CABP5: variants seen among roughly 807,000 people sequenced by gnomAD.
The protein encoded by CABP5 is calcium binding protein 5.
In CABP5, 17 loss-of-function variants were observed where a neutral mutation model predicts 21.9. That is an observed-to-expected ratio of 0.78 (90% CI 0.53 to 1.17). The LOEUF is 1.17. Ranked by LOEUF, CABP5 falls within the 50% of genes most tolerant of loss-of-function variation. The pLI is 0.00. For missense variants in CABP5, 229 were observed against 228.9 expected (o/e 1.00, Z 0.00); for synonymous variants, 85 against 79.4 (o/e 1.07, Z -0.37).
intron 4 of CABP5, among the ~76,000 whole-genome samples, chr19:48,038,852 T>C (rs1434672042): frequency 1.3e-5 from 2 of 152,070 alleles, no homozygotes; most frequent in Non-Finnish European, 2.9e-5. Context: ...TAACATTTAT[T>C]CTAGAGATGG....
intron 5 of CABP5, among the ~76,000 whole-genome samples, chr19:48,032,844 T>A (rs1411628847): frequency 6.6e-6 from 1 of 152,036 alleles, no homozygotes; most frequent in Non-Finnish European, 1.5e-5. Context: ...TTGGCCCCCC[T>A]GGTCTCGAAC....
In CABP5 at chr19:48,043,983, C is replaced by T. The variant is rs1967517636; in HGVS notation, c.-61G>A. 10 of 1,410,774 alleles carry T rather than the reference C, an allele frequency of 7.1e-6. No individual in the cohort carries two copies. In the South Asian group the frequency reaches 9.7e-5, roughly 14 times the overall value. The allele number at this position is 1,410,774 out of a possible 1,614,324, so 87.4% of individuals were successfully genotyped here. ...CAAGATGGCCCCTCCTCCCTGCTCCCTGTCGGAGCTCAGCCTCCTTATCTT... is the reference window on the plus strand; with the variant it reads ...CAAGATGGCCCCTCCTCCCTGCTCCTTGTCGGAGCTCAGCCTCCTTATCTT... On this transcript the variant is annotated 5_prime_UTR_variant, in exon 1 of 6. Coordinates refer to ENST00000293255, the MANE Select transcript of CABP5 (RefSeq NM_019855.5).
chr19:48,030,675 TG>T, intron 5 of CABP5, 93 bp from the exon 6 acceptor site: 4 of 1,170,926 alleles, frequency 3.4e-6, no homozygotes, highest in Non-Finnish European at 5.0e-6. Flanking sequence ...CAGGCACTGC[TG>T]GTGATCCCTG....
At chr19:48,038,297 G>A (rs1967436354) in intron 4 of CABP5, among the ~76,000 whole-genome samples, 1 of 152,122 alleles carries the variant, frequency 6.6e-6, no homozygotes, top group South Asian at 2.1e-4. Context: ...ACCCATGTTT[G>A]CCTGGTTCCA....
chr19:48,034,691 G>A (rs1476212292), intron 4 of CABP5, among the ~76,000 whole-genome samples: 8 of 151,594 alleles, frequency 5.3e-5, no homozygotes, highest in Non-Finnish European at 7.4e-5. Context: ...GATTACAGGC[G>A]CGCACCACCA....
At chr19:48,042,092 G>A (rs1290866708) in intron 1 of CABP5, among the ~76,000 whole-genome samples, 1 of 152,124 alleles carries the variant, frequency 6.6e-6, no homozygotes, top group Non-Finnish European at 1.5e-5. Context: ...ACCTGCACAA[G>A]GTCACACAGC....
chr19:48,042,975 G>A (rs1031146862), intron 1 of CABP5, among the ~76,000 whole-genome samples: 10 of 152,028 alleles, frequency 6.6e-5, no homozygotes, highest in African/African-American at 2.4e-4. Context: ...ATTTTAAAAA[G>A]CATGCCCACA....
intron 3 of CABP5, among the ~76,000 whole-genome samples, chr19:48,039,703 CTTTTTTTTT>C (rs772482700): frequency 3.4e-5 from 2 of 59,232 alleles, no homozygotes; most frequent in African/African-American, 7.0e-5. Flanking sequence ...AACCCAATAG[CTTTTTTTTT>C]TTTTTTTTTT....
intron 4 of CABP5, among the ~76,000 whole-genome samples, chr19:48,037,896 C>A (rs936040402): frequency 2.0e-5 from 3 of 152,104 alleles, no homozygotes; most frequent in Admixed American, 6.6e-5. Flanking sequence ...ACACTTACAG[C>A]ACTTCTCAAT....
chr19:48,037,496 G>A (rs541607825), intron 4 of CABP5, among the ~76,000 whole-genome samples: 138 of 151,780 alleles, frequency 9.1e-4, no homozygotes, highest in African/African-American at 2.9e-3. Context: ...TCAAACTCCC[G>A]ACCTCAGGTG....
Position 48,037,259 on chromosome 19 carries a change from C to CTTTTTTTTTTTTTTTTTTT in CABP5, c.348+1930_348+1948dup, listed in dbSNP as rs57230665. 1.0e-3 allele frequency among the ~76,000 whole-genome samples: 46 copies of CTTTTTTTTTTTTTTTTTTT among 44,976 alleles called. 14 individuals are homozygous for CTTTTTTTTTTTTTTTTTTT. The highest frequency in any genetic ancestry group is 2.0e-3 in the East Asian group (2 of 1,002). 29.5% of individuals were successfully genotyped at this position (44,976 alleles called of 152,430 possible). On this transcript the variant is annotated intron_variant, in intron 4 of 5. Coordinates refer to ENST00000293255, the MANE Select transcript of CABP5 (RefSeq NM_019855.5). The stretch of plus-strand genomic sequence containing the variant: ...AAGTACACAATGGAATACTATTCAG[C>CTTTTTTTTTTTTTTTTTTT]TTTTTTTTTTTTTTTTTTTTTTTTT...
chr19:48,038,315 T>A (rs1350738460), intron 4 of CABP5, among the ~76,000 whole-genome samples: 1 of 152,186 alleles, frequency 6.6e-6, no homozygotes, highest in Non-Finnish European at 1.5e-5. Context: ...CCAAATCCTT[T>A]GCTCCCAAAC....
At chr19:48,033,840 A>T (rs1967372571) in intron 5 of CABP5, among the ~76,000 whole-genome samples, 1 of 152,134 alleles carries the variant, frequency 6.6e-6, no homozygotes, top group South Asian at 2.1e-4. Flanking sequence ...GAAGCCCCTG[A>T]ACCTGACCCC....
In CABP5 at chr19:48,030,472, A is replaced by C; in HGVS notation, c.*85T>G. The C allele has an allele frequency of 7.1e-7, 1 of 1,414,716 alleles. No homozygotes were observed. Among genetic ancestry groups the C allele is most frequent in the Non-Finnish European group, 9.8e-7 (1 of 1,019,898 alleles). 87.6% of individuals were successfully genotyped at this position (1,414,716 alleles called of 1,614,324 possible). A position where few individuals can be genotyped will look rare whatever the true frequency, so the allele number is the denominator to read the frequency against. Reference sequence around the variant, plus strand: ...TGCCCTCCCTCTCTGCTTTAAGGGGATCTGGGGCTTTTGGGCTTTGGTTCT... The same window carrying C: ...TGCCCTCCCTCTCTGCTTTAAGGGGCTCTGGGGCTTTTGGGCTTTGGTTCT... On this transcript the variant is annotated 3_prime_UTR_variant, in exon 6 of 6. Coordinates refer to ENST00000293255, the MANE Select transcript of CABP5 (RefSeq NM_019855.5).
At chr19:48,034,693 G>A (rs775054998) in intron 4 of CABP5, among the ~76,000 whole-genome samples, 25 of 151,674 alleles carry the variant, frequency 1.6e-4, no homozygotes, top group Non-Finnish European at 3.4e-4. Flanking sequence ...TTACAGGCGC[G>A]CACCACCAAA....
chr19:48,043,938 A>G lies in CABP5; in HGVS notation c.-16T>C. ...GGAACTGCATGGAGGGGTGGGGTGGAGCTCGCAGGGCACCAGTCTCAAGAT... is the reference window on the plus strand; with the variant it reads ...GGAACTGCATGGAGGGGTGGGGTGGGGCTCGCAGGGCACCAGTCTCAAGAT... On this transcript the variant is annotated 5_prime_UTR_variant, in exon 1 of 6. Transcript: ENST00000293255. 6.6e-7 allele frequency: 1 copy of G among 1,503,840 alleles called. No homozygotes were observed. The highest frequency in any genetic ancestry group is 8.8e-7 in the Non-Finnish European group (1 of 1,132,002). The allele number at this position is 1,503,840 out of a possible 1,614,324, so 93.2% of individuals were successfully genotyped here.
chr19:48,034,458 G>T, intron 4 of CABP5, 96 bp from the exon 5 acceptor site: 1 of 922,876 alleles, frequency 1.1e-6, no homozygotes. Flanking sequence ...GTCAAGCACT[G>T]AGATAAAAGC....
chr19:48,033,523 G>A (rs76054521), intron 5 of CABP5, among the ~76,000 whole-genome samples: 30,705 of 152,020 alleles, frequency 0.2, 4,032 homozygotes, highest in Non-Finnish European at 0.28. Context: ...AGAAGCAAGC[G>A]GGAGGTATTA....
intron 5 of CABP5, among the ~76,000 whole-genome samples, chr19:48,031,054 T>C (rs1409787503): frequency 1.3e-5 from 2 of 152,164 alleles, no homozygotes; most frequent in Non-Finnish European, 2.9e-5. Context: ...ACTGTGGTTA[T>C]TATTATGCTC....
Sources: gnomAD v4.1 joint callset for allele counts (sites outside exome capture counted in the v4.1 genomes callset) on GRCh38, gnomAD v4.1.1 for gene constraint, MANE v1.5 for transcripts, NCBI Gene and HGNC (gene_info 2026-07-23, HGNC 2026-07-21) for gene names.